ARHGAP28: variants seen among roughly 807,000 people sequenced by gnomAD.
ARHGAP28 encodes Rho GTPase activating protein 28.
Under a neutral mutation model 90.7 loss-of-function variants are expected in ARHGAP28, and 56 were observed. The observed-to-expected ratio is 0.62, with a 90% CI of 0.50 to 0.77. The LOEUF (loss-of-function observed/expected upper bound fraction) is 0.77. ARHGAP28 is among the 30% of genes least tolerant of loss of function. ARHGAP28 has a pLI of 0.00. For synonymous variants in ARHGAP28, 308 were observed against 323.3 expected (o/e 0.95, Z 0.51); for missense variants, 869 against 900.9 (o/e 0.96, Z 0.45).
At chr18:6,879,397 G>T (rs1279622232) in intron 10 of ARHGAP28, among the ~76,000 whole-genome samples, 2 of 152,154 alleles carry the variant, frequency 1.3e-5, no homozygotes, top group African/African-American at 4.8e-5. Flanking sequence ...GAGGCACATT[G>T]CATTTTTGCT....
At chr18:6,767,913 C>T (rs1225634427) in intron 1 of ARHGAP28, among the ~76,000 whole-genome samples, 1 of 152,150 alleles carries the variant, frequency 6.6e-6, no homozygotes, top group Non-Finnish European at 1.5e-5. Context: ...CCGTCCCAAT[C>T]CCCATCCTAG....
At chr18:6,852,862 G>A (rs1393107709) in intron 4 of ARHGAP28, among the ~76,000 whole-genome samples, 1 of 152,134 alleles carries the variant, frequency 6.6e-6, no homozygotes, top group East Asian at 1.9e-4. Context: ...GAGACAGGAG[G>A]AAATGCTCAA....
chr18:6,801,641 T>C (rs1287967117), intron 1 of ARHGAP28, among the ~76,000 whole-genome samples: 1 of 152,178 alleles, frequency 6.6e-6, no homozygotes, highest in East Asian at 1.9e-4. Flanking sequence ...AAATTTGCTA[T>C]ATAATATACA....
chr18:6,893,229 C>T (rs1477345847), intron 14 of ARHGAP28, among the ~76,000 whole-genome samples: 1 of 152,154 alleles, frequency 6.6e-6, no homozygotes, highest in African/African-American at 2.4e-5. Flanking sequence ...GAGGGAGCCA[C>T]CAGACAGATG....
At chr18:6,834,534 A>G (rs1481682875) in intron 2 of ARHGAP28, 1 of 152,212 alleles carries the variant, frequency 6.6e-6, no homozygotes, top group East Asian at 1.9e-4. Flanking sequence ...AAGCATGTCC[A>G]GAAATGTAAG....
In ARHGAP28 at chr18:6,891,883, G is replaced by T. The variant is rs548539487; in HGVS notation, c.1848+1340G>T. Among the ~76,000 whole-genome samples, 127 of 151,978 alleles carry T rather than the reference G, an allele frequency of 8.4e-4. 3 individuals carry two copies. The highest frequency in any genetic ancestry group is 3.5e-4 in the Non-Finnish European group (24 of 67,976). On this transcript the variant is annotated intron_variant, in intron 14 of 17. Coordinates refer to ENST00000383472, the MANE Select transcript of ARHGAP28 (RefSeq NM_001366230.1). ...GCTGGGATTACAGATGTGAGCCACT[G>T]TGCCTGGTTGGAGTTGTATCTTGAA...
At chr18:6,777,356 G>T (rs2056292241) in intron 1 of ARHGAP28, among the ~76,000 whole-genome samples, 1 of 152,152 alleles carries the variant, frequency 6.6e-6, no homozygotes, top group Non-Finnish European at 1.5e-5. Context: ...GACAAGATGG[G>T]TTTCAAGTGA....
intron 3 of ARHGAP28, among the ~76,000 whole-genome samples, chr18:6,847,916 G>A (rs1372258678): frequency 6.6e-6 from 1 of 152,238 alleles, no homozygotes; most frequent in East Asian, 1.9e-4. Context: ...GCAAGCTTCC[G>A]AGAGTCCTCT....
intron 1 of ARHGAP28, among the ~76,000 whole-genome samples, chr18:6,805,892 T>A (rs538721845): frequency 3.9e-5 from 6 of 151,914 alleles, no homozygotes; most frequent in Non-Finnish European, 7.4e-5. Context: ...TTCCTTTTTT[T>A]AAAATTTTTT....
At chr18:6,751,726 C>A (rs1051242759) in intron 1 of ARHGAP28, among the ~76,000 whole-genome samples, 2 of 152,212 alleles carry the variant, frequency 1.3e-5, no homozygotes, top group Admixed American at 6.5e-5. Context: ...CTGGCAACAG[C>A]AGTTGCTCCC....
intron 1 of ARHGAP28, among the ~76,000 whole-genome samples, chr18:6,818,803 T>C (rs1390841905): frequency 1.3e-5 from 2 of 152,224 alleles, no homozygotes; most frequent in Non-Finnish European, 2.9e-5. Context: ...TGAGGAAAGA[T>C]TAGCATGCCC....
At chr18:6,778,502 TAG>T (rs1295641336) in intron 1 of ARHGAP28, among the ~76,000 whole-genome samples, 2 of 152,162 alleles carry the variant, frequency 1.3e-5, no homozygotes, top group Non-Finnish European at 2.9e-5. Flanking sequence ...AGGCACAGGG[TAG>T]AGAGTCCTGG....
chr18:6,873,657 T>C, intron 8 of ARHGAP28, 27 bp from the exon 9 acceptor site: 1 of 1,607,386 alleles, frequency 6.2e-7, no homozygotes. Context: ...CTTTTTTTTT[T>C]TCCCCCTTTA....
chr18:6,853,754 C>T (rs2056929392), intron 4 of ARHGAP28, among the ~76,000 whole-genome samples: 1 of 152,194 alleles, frequency 6.6e-6, no homozygotes, highest in South Asian at 2.1e-4. Flanking sequence ...GGATTACAGG[C>T]ATAAGCCACT....
At chr18:6,818,521 A>G (rs1430756837) in intron 1 of ARHGAP28, among the ~76,000 whole-genome samples, 1 of 152,174 alleles carries the variant, frequency 6.6e-6, no homozygotes, top group African/African-American at 2.4e-5. Context: ...AGACCCCCCC[A>G]AAACAAAGTA....
intron 4 of ARHGAP28, among the ~76,000 whole-genome samples, chr18:6,854,426 C>A (rs1330159978): frequency 1.3e-5 from 2 of 152,116 alleles, no homozygotes; most frequent in African/African-American, 2.4e-5. Flanking sequence ...CTGGTCAGCA[C>A]GTAGTGGGTC....
At chr18:6,868,924 A>C (rs1167996949) in intron 6 of ARHGAP28, among the ~76,000 whole-genome samples, 1 of 152,136 alleles carries the variant, frequency 6.6e-6, no homozygotes, top group Admixed American at 6.5e-5. Flanking sequence ...GTACACTTTA[A>C]ATGGGTGAAT....
chr18:6,837,143 C>A, intron 2 of ARHGAP28, 54 bp from the exon 3 acceptor site: 2 of 1,294,276 alleles, frequency 1.5e-6, no homozygotes, highest in Non-Finnish European at 2.1e-6. Flanking sequence ...ATTCACATGG[C>A]ATCCAATCAT....
intron 1 of ARHGAP28, among the ~76,000 whole-genome samples, chr18:6,815,903 TTG>T: frequency 6.9e-6 from 1 of 145,168 alleles, no homozygotes; most frequent in East Asian, 2.0e-4. Context: ...TGATGTGTCA[TTG>T]TTTTTTTTTT....
Sources: gnomAD v4.1 joint callset for allele counts (sites outside exome capture counted in the v4.1 genomes callset) on GRCh38, gnomAD v4.1.1 for gene constraint, MANE v1.5 for transcripts, NCBI Gene and HGNC (gene_info 2026-07-23, HGNC 2026-07-21) for gene names.